GGTA1: variants seen among roughly 807,000 people sequenced by gnomAD.
GGTA1 encodes the protein glycoprotein alpha-galactosyltransferase 1 (inactive).
A neutral mutation model predicts 2.6 loss-of-function variants in GGTA1; 5 were observed. That is an observed-to-expected ratio of 1.92 (90% CI 1.00 to 4.04). The LOEUF (loss-of-function observed/expected upper bound fraction) is 4.04. Among genes scored for constraint, GGTA1 ranks in the 30% most tolerant of loss-of-function variants. The pLI is 0.00. For synonymous variants in GGTA1, 17 were observed against 5.0 expected, an observed-to-expected ratio of 3.38 and a Z score of -3.19; for missense variants, 50 against 16.7, an observed-to-expected ratio of 2.99 and a Z score of -3.47.
At chr9:121,497,652 C>T (rs1267613775) in intron 1 of GGTA1, among the ~76,000 whole-genome samples, 1 of 152,114 alleles carries the variant, frequency 6.6e-6, no homozygotes, top group East Asian at 1.9e-4. Flanking sequence ...TCCGTTCTGA[C>T]ATAGAAGTAG....
At chr9:121,492,164 G>GC (rs1201266120) in intron 1 of GGTA1, among the ~76,000 whole-genome samples, 1 of 152,204 alleles carries the variant, frequency 6.6e-6, no homozygotes, top group African/African-American at 2.4e-5. Flanking sequence ...GGCAAGAGAG[G>GC]CCCCCAAGTT....
chr9:121,494,196 C>G (rs1050870940), intron 1 of GGTA1, among the ~76,000 whole-genome samples: 1 of 152,178 alleles, frequency 6.6e-6, no homozygotes, highest in Non-Finnish European at 1.5e-5. Context: ...ACGTGCACAC[C>G]CCCAAAGTCT....
chr9:121,449,786 G>C (rs1423702421), intron 7 of GGTA1, among the ~76,000 whole-genome samples: 1 of 140,872 alleles, frequency 7.1e-6, no homozygotes, highest in Non-Finnish European at 1.5e-5. Context: ...GTTGCAGTGA[G>C]CTGAGATGGT....
intron 1 of GGTA1, among the ~76,000 whole-genome samples, chr9:121,493,867 C>T (rs2118775884): frequency 6.8e-6 from 1 of 146,684 alleles, no homozygotes; most frequent in East Asian, 2.1e-4. Context: ...AGTGATTCTT[C>T]TGCCTCAGCC....
intron 1 of GGTA1, among the ~76,000 whole-genome samples, chr9:121,470,979 G>A (rs1185233360): frequency 1.3e-5 from 2 of 152,238 alleles, no homozygotes; most frequent in Admixed American, 6.5e-5. Flanking sequence ...TCTAGGCAGC[G>A]GGCAAGGTGA....
intron 5 of GGTA1, among the ~76,000 whole-genome samples, chr9:121,457,867 A>G (rs893259547): frequency 2.6e-5 from 4 of 151,364 alleles, no homozygotes; most frequent in African/African-American, 9.7e-5. Context: ...ATATGGAAAT[A>G]TGCACAATAT....
At chr9:121,463,354 A>T (rs1438490742) in intron 2 of GGTA1, 26 bp from the exon 3 acceptor site, 1 of 453,232 alleles carries the variant, frequency 2.2e-6, no homozygotes, top group Admixed American at 2.4e-5. Flanking sequence ...AAATAAAAAC[A>T]TATCATGTTA....
chr9:121,456,869 A>G (rs550144929), intron 5 of GGTA1, among the ~76,000 whole-genome samples: 1 of 152,292 alleles, frequency 6.6e-6, no homozygotes, highest in South Asian at 2.1e-4. Context: ...ACAGGGTTTC[A>G]CTAAGTTGCC....
In GGTA1 at chr9:121,459,017, T is replaced by C. The variant is rs2064937534; in HGVS notation, c.298+1087A>G. Among the ~76,000 whole-genome samples the C allele has an allele frequency of 3.3e-5, 5 of 152,218 alleles. 1 individual carries two copies. In the South Asian group the frequency reaches 8.3e-4, roughly 25 times the overall value. On this transcript the variant is annotated intron_variant, in intron 5 of 5. Transcript: ENST00000481799. ...TTTAGCATTTCAGAGATGCCTACCC[T>C]GTTGTGCAGATCATCAAATGACATA...
intron 1 of GGTA1, among the ~76,000 whole-genome samples, chr9:121,496,731 C>CAAAAAAAAAAAAAAAA (rs772847384): frequency 3.2e-5 from 1 of 31,212 alleles, no homozygotes; most frequent in African/African-American, 1.2e-4. Flanking sequence ...GGCTCCATCT[C>CAAAAAAAAAAAAAAAA]AAAAAAAAAA....
At chr9:121,491,183 C>A (rs1468954316) in intron 1 of GGTA1, among the ~76,000 whole-genome samples, 1 of 152,188 alleles carries the variant, frequency 6.6e-6, no homozygotes, top group Non-Finnish European at 1.5e-5. Context: ...AGCTACCCCA[C>A]TCCTAATTTT....
intron 1 of GGTA1, among the ~76,000 whole-genome samples, chr9:121,468,251 C>T (rs1190877113): frequency 3.3e-5 from 5 of 152,124 alleles, no homozygotes; most frequent in East Asian, 1.9e-4. Context: ...CTCCCACTTA[C>T]GAGTGAGAAC....
intron 4 of GGTA1, 119 bp from the exon 5 acceptor site, chr9:121,460,338 C>A: frequency 2.5e-6 from 1 of 398,088 alleles, no homozygotes; most frequent in Non-Finnish European, 5.0e-6. Context: ...ACTAAGTGAA[C>A]TGACCAGAAA....
downstream of GGTA1, chr9:121,451,895 C>G (rs2064880011): frequency 6.6e-6 from 1 of 152,180 alleles, no homozygotes; most frequent in Non-Finnish European, 1.5e-5. Flanking sequence ...GTGGGTGGAA[C>G]AGACATGTTT....
chr9:121,458,819 G>T (rs938816145), intron 5 of GGTA1, among the ~76,000 whole-genome samples: 4 of 152,150 alleles, frequency 2.6e-5, no homozygotes, highest in Admixed American at 2.6e-4. Context: ...CACCTCCCAA[G>T]TCCTGCTCAG....
At chr9:121,471,315 A>G (rs1049304449) in intron 1 of GGTA1, among the ~76,000 whole-genome samples, 4 of 152,142 alleles carry the variant, frequency 2.6e-5, no homozygotes, top group East Asian at 1.9e-4. Context: ...TGCCTCCGGT[A>G]TCAGTTAGTC....
Position 121,455,681 on chromosome 9 carries a change from G to T in GGTA1, c.*156C>A, listed in dbSNP as rs908938726. On this transcript the variant is annotated 3_prime_UTR_variant, in exon 6 of 6. Coordinates refer to ENST00000481799, the MANE Select transcript of GGTA1 (RefSeq NM_001382585.1). Reference sequence around the variant, plus strand: ...AGGTCATCCTGCTAAGCGCTGAGATGGGAGAAATGAGACCCAGTCCTTCCC... The same window carrying T: ...AGGTCATCCTGCTAAGCGCTGAGATTGGAGAAATGAGACCCAGTCCTTCCC... 2.2e-5 allele frequency: 7 copies of T among 318,260 alleles called. No homozygotes were observed. Among genetic ancestry groups the T allele is most frequent in the Non-Finnish European group, 4.4e-5 (7 of 158,722 alleles). 19.7% of individuals were successfully genotyped at this position (318,260 alleles called of 1,614,324 possible). A position where few individuals can be genotyped will look rare whatever the true frequency, so the allele number is the denominator to read the frequency against.
intron 1 of GGTA1, among the ~76,000 whole-genome samples, chr9:121,492,632 C>T (rs956865285): frequency 6.6e-6 from 1 of 152,010 alleles, no homozygotes; most frequent in African/African-American, 2.4e-5. Flanking sequence ...GGCCACTACG[C>T]CTGGCTAATT....
chr9:121,490,510 AG>A (rs1828851799), intron 1 of GGTA1, among the ~76,000 whole-genome samples: 1 of 152,136 alleles, frequency 6.6e-6, no homozygotes, highest in South Asian at 2.1e-4. Flanking sequence ...TGCCCAGTTT[AG>A]CATCAGCAAC....
Sources: gnomAD v4.1 joint callset for allele counts (sites outside exome capture counted in the v4.1 genomes callset) on GRCh38, gnomAD v4.1.1 for gene constraint, MANE v1.5 for transcripts, NCBI Gene and HGNC (gene_info 2026-07-23, HGNC 2026-07-21) for gene names.